Variants in LRCH1 observed in about 807,000 individuals in gnomAD.
LRCH1 encodes leucine rich repeats and calponin homology domain containing 1.
A neutral mutation model predicts 94.9 loss-of-function variants in LRCH1; 23 were observed. The observed-to-expected ratio is 0.24, with a 90% CI of 0.17 to 0.34. The LOEUF is 0.34. Among genes scored for constraint, LRCH1 ranks in the 10% least tolerant of loss-of-function variants. The probability of loss-of-function intolerance (pLI) is 1.00; values close to 1 mark genes in which losing one functional copy is unlikely to be tolerated. For missense variants in LRCH1, 790 were observed against 945.9 expected (o/e 0.84, Z 2.16); for synonymous variants, 364 against 354.9 (o/e 1.03, Z -0.29).
chr13:46,667,413 C>T (rs1373154273), intron 2 of LRCH1, among the ~76,000 whole-genome samples: 1 of 151,146 alleles, frequency 6.6e-6, no homozygotes, highest in Non-Finnish European at 1.5e-5. Flanking sequence ...GAAAAGTGCA[C>T]AGATCATAAG....
At chr13:46,613,574 G>A (rs1403046931) in intron 1 of LRCH1, among the ~76,000 whole-genome samples, 1 of 152,030 alleles carries the variant, frequency 6.6e-6, no homozygotes, top group African/African-American at 2.4e-5. Flanking sequence ...AGCGTGATTG[G>A]CTGATGCTGT....
At chr13:46,611,686 A>T (rs2050749393) in intron 1 of LRCH1, among the ~76,000 whole-genome samples, 1 of 152,252 alleles carries the variant, frequency 6.6e-6, no homozygotes, top group South Asian at 2.1e-4. Context: ...TCAAAGACTT[A>T]GTATTTAAAA....
At chr13:46,576,850 A>G (rs1434165138) in intron 1 of LRCH1, among the ~76,000 whole-genome samples, 2 of 152,172 alleles carry the variant, frequency 1.3e-5, no homozygotes, top group African/African-American at 4.8e-5. Flanking sequence ...TTATGATGGC[A>G]CAGTTTCTAT....
At chr13:46,597,901 G>A (rs2050582866) in intron 1 of LRCH1, among the ~76,000 whole-genome samples, 2 of 152,106 alleles carry the variant, frequency 1.3e-5, no homozygotes, top group South Asian at 4.1e-4. Context: ...CTAACCCTGT[G>A]TTTCCCCCAG....
rs1339758792 is a variant in LRCH1 at position 46,618,917 on chromosome 13, G to A, written c.308-31284G>A. On this transcript the variant is annotated intron_variant, in intron 1 of 19. Transcript: ENST00000389797. ...CCCCATGTGGGTTTGTTTTGGGAAAGCAGTGGAGGGGAATTCCTCTTAGGT... is the reference window on the plus strand; with the variant it reads ...CCCCATGTGGGTTTGTTTTGGGAAAACAGTGGAGGGGAATTCCTCTTAGGT... Among the ~76,000 whole-genome samples the A allele has an allele frequency of 2.6e-5, 4 of 152,310 alleles. No homozygotes were observed. In the East Asian group the frequency reaches 5.8e-4, roughly 22 times the overall value.
chr13:46,678,983 A>C (rs937622541), intron 3 of LRCH1, among the ~76,000 whole-genome samples: 1 of 152,322 alleles, frequency 6.6e-6, no homozygotes, highest in Non-Finnish European at 1.5e-5. Flanking sequence ...ATTTTTAAAA[A>C]ATTATGTCTT....
intron 3 of LRCH1, among the ~76,000 whole-genome samples, chr13:46,673,191 A>G (rs922636150): frequency 1.3e-5 from 2 of 152,172 alleles, no homozygotes; most frequent in African/African-American, 4.8e-5. Flanking sequence ...AGTGCATCAC[A>G]GGTTGGACTG....
At chr13:46,619,641 A>C (rs1339749147) in intron 1 of LRCH1, among the ~76,000 whole-genome samples, 1 of 152,204 alleles carries the variant, frequency 6.6e-6, no homozygotes, top group African/African-American at 2.4e-5. Context: ...CTTAGAAAGA[A>C]ATCACACGCG....
chr13:46,667,012 T>C (rs1391551238), intron 2 of LRCH1, among the ~76,000 whole-genome samples: 1 of 152,148 alleles, frequency 6.6e-6, no homozygotes, highest in Non-Finnish European at 1.5e-5. Flanking sequence ...CCAATCCTGC[T>C]AACTAGGGAA....
At chr13:46,613,250 C>T (rs1252855191) in intron 1 of LRCH1, among the ~76,000 whole-genome samples, 2 of 151,850 alleles carry the variant, frequency 1.3e-5, no homozygotes, top group African/African-American at 4.8e-5. Flanking sequence ...ATTAGCCGAG[C>T]GTGGTGGCAC....
intron 13 of LRCH1, among the ~76,000 whole-genome samples, chr13:46,710,397 T>C (rs1383436957): frequency 6.6e-6 from 1 of 152,172 alleles, no homozygotes; most frequent in Non-Finnish European, 1.5e-5. Context: ...ATGAAGCGGT[T>C]TGTAATTGGT....
chr13:46,633,606 C>T (rs2051044601), intron 1 of LRCH1, among the ~76,000 whole-genome samples: 1 of 152,186 alleles, frequency 6.6e-6, no homozygotes, highest in Non-Finnish European at 1.5e-5. Context: ...CTCATGGTAG[C>T]AGCTGCTGGA....
chr13:46,688,072 C>T, intron 6 of LRCH1, 93 bp downstream of exon 6: 1 of 1,297,054 alleles, frequency 7.7e-7, no homozygotes, highest in South Asian at 2.0e-5. Flanking sequence ...TGTTTTAAGT[C>T]ACCATGGTAT....
chr13:46,585,441 G>A (rs1325740665), intron 1 of LRCH1, among the ~76,000 whole-genome samples: 3 of 151,752 alleles, frequency 2.0e-5, no homozygotes, highest in African/African-American at 4.8e-5. Context: ...GCCAGGCATA[G>A]TGGTGGGCGC....
chr13:46,731,934 G>A (rs137866289), intron 18 of LRCH1, among the ~76,000 whole-genome samples: 288 of 152,100 alleles, frequency 1.9e-3, no homozygotes, highest in African/African-American at 6.5e-3. Flanking sequence ...TTCATTTTCC[G>A]TCACACCTAC....
rs145390643 is a variant in LRCH1, at chr13:46,590,023, A to G, written c.307+36320A>G. ...TGAGGCTGTTCAGTTTCTCTCATTC[A>G]TGATTTCCTGTAAACTGGAAGTTAG... On this transcript the variant is annotated intron_variant, in intron 1 of 19. Transcript: ENST00000389797. Among the ~76,000 whole-genome samples, 912 of 151,590 alleles carry G rather than the reference A, an allele frequency of 6.0e-3. 12 individuals carry two copies. Among genetic ancestry groups the G allele is most frequent in the African/African-American group, 0.021 (869 of 41,262 alleles).
intron 1 of LRCH1, among the ~76,000 whole-genome samples, chr13:46,617,162 G>A (rs1475757930): frequency 6.6e-6 from 1 of 152,204 alleles, no homozygotes; most frequent in South Asian, 2.1e-4. Flanking sequence ...CTGTCAGATA[G>A]CCTGTGTCAG....
At position 46,553,486 on chromosome 13, in the gene LRCH1, C is replaced by T. The variant is rs1304670185; in HGVS notation, c.90C>T (p.His30=). ...CACTTCATCATCCCCACCACCACCA[C>T]CACCACCATCAGCACCACGGAGGAA... ...LHPLHHPHHH[H]HHHQHHGGTG... The change falls in exon 1 of 20, where the codon CAC becomes CAT. Residue 30 remains histidine (H), a synonymous_variant. Transcript: ENST00000389797. 6.5e-7 allele frequency: 1 copy of T among 1,548,694 alleles called. No individual in the cohort carries two copies. The highest frequency in any genetic ancestry group is 2.0e-5 in the Admixed American group (1 of 50,666).
rs193095575 is a variant in LRCH1, at chr13:46,711,001, A to G, written c.1528-790A>G. Among the ~76,000 whole-genome samples, 474 of 152,174 alleles carry G rather than the reference A, an allele frequency of 3.1e-3. 2 individuals are homozygous for G. The highest frequency in any genetic ancestry group is 2.4e-3 in the Non-Finnish European group (166 of 68,008). On this transcript the variant is annotated intron_variant, in intron 13 of 19. Coordinates refer to ENST00000389797, the MANE Select transcript of LRCH1 (RefSeq NM_001164211.2). Reference sequence around the variant, plus strand: ...CTCTGTGGACCATCTGGCCACTCTCATGGACTCAGGCACCCCATAAATAAT... The same window carrying G: ...CTCTGTGGACCATCTGGCCACTCTCGTGGACTCAGGCACCCCATAAATAAT...
Sources: allele counts gnomAD v4.1 joint callset (sites outside exome capture counted in the v4.1 genomes callset), GRCh38; gene constraint gnomAD v4.1.1; transcripts MANE v1.5; gene names NCBI Gene and HGNC (gene_info 2026-07-23, HGNC 2026-07-21).